The following TEX38 variants were observed in gnomAD, a reference collection of about 807,000 sequenced individuals.
The protein encoded by TEX38 is testis-expressed protein 38.
TEX38 carries 5 observed loss-of-function variants against 2.7 expected under a neutral mutation model. That is an observed-to-expected ratio of 1.86 (90% CI 0.97 to 3.90). TEX38 has a LOEUF of 3.90. Among genes scored for constraint, TEX38 ranks in the 30% most tolerant of loss-of-function variants. TEX38 has a pLI of 0.00. For missense variants in TEX38, 218 were observed against 247.9 expected (o/e 0.88, Z 0.81); for synonymous variants, 110 against 103.3 (o/e 1.06, Z -0.39).
intron 1 of TEX38, among the ~76,000 whole-genome samples, chr1:46,672,652 T>G (rs1370602769): frequency 6.6e-6 from 1 of 152,206 alleles, no homozygotes; most frequent in East Asian, 1.9e-4. Context: ...TTTTGTGATC[T>G]GTAAAGAGTT....
At chr1:46,670,763 T>A (rs1473160602), upstream of TEX38, among the ~76,000 whole-genome samples, 2 of 152,068 alleles carry the variant, frequency 1.3e-5, no homozygotes, top group African/African-American at 4.8e-5. Flanking sequence ...GCTAAATAGT[T>A]CCCTAAGTCA....
At chr1:46,671,758 A>G, upstream of TEX38, 1 of 678,868 alleles carries the variant, frequency 1.5e-6, no homozygotes, top group Non-Finnish European at 2.6e-6. Context: ...CCACTTCACA[A>G]GCACTGCCCC....
rs1240805337 is a variant in TEX38 at position 46,673,326 on chromosome 1, C to T, written c.491C>T (p.Pro164Leu). ...PFAPPLCNLP[P>L]LLNHSVSYPL... Reference sequence around the variant, plus strand: ...GCCCCACCCTTGTGCAACCTACCCCCCCTGCTGAACCACTCTGTCTCCTAT... The same window carrying T: ...GCCCCACCCTTGTGCAACCTACCCCTCCTGCTGAACCACTCTGTCTCCTAT... The change falls in exon 2 of 2, where the codon CCC becomes CTC. Residue 164 changes from proline to leucine, a missense_variant. Transcript: ENST00000334122. 3.2e-6 allele frequency: 5 copies of T among 1,551,832 alleles called. 1 individual carries two copies. In the South Asian group the frequency reaches 3.6e-5, roughly 11 times the overall value.
Position 46,672,985 on chromosome 1 carries a change from G to A in TEX38, c.150G>A (p.Gln50=). 3 of 1,551,730 alleles carry A rather than the reference G, an allele frequency of 1.9e-6. No homozygotes were observed. The highest frequency in any genetic ancestry group is 2.6e-6 in the Non-Finnish European group (3 of 1,146,992). The stretch of plus-strand genomic sequence containing the variant: ...TGAGGCGGGAAGAGCATGCCCAGCA[G>A]TGGGTGGAGGTGATGAGAGCTGCCA... ...KNLRREEHAQ[Q]WVEVMRAATF... Residue 50 remains glutamine (Q), a synonymous_variant, in exon 2 of 2, where the codon CAG becomes CAA. Coordinates refer to ENST00000334122, the MANE Select transcript of TEX38 (RefSeq NM_001145474.4).
Position 46,673,159 on chromosome 1 carries a change from C to G in TEX38, c.324C>G (p.Pro108=), listed in dbSNP as rs369089422. Residue 108 remains proline (P), a synonymous_variant, in exon 2 of 2, where the codon CCC becomes CCG. Coordinates refer to ENST00000334122, the MANE Select transcript of TEX38 (RefSeq NM_001145474.4). The part of the protein sequence containing the change: ...NPDVLWDLDI[P]EGRSHADQDS... ...ATGTTCTGTGGGATTTGGACATCCC[C>G]GAAGGCAGGAGCCATGCTGACCAAG... 6.4e-7 allele frequency: 1 copy of G among 1,551,650 alleles called. No homozygotes were observed. The highest frequency in any genetic ancestry group is 1.4e-5 in the African/African-American group (1 of 73,174).
In TEX38 at chr1:46,673,194, C is replaced by A. The variant is rs1320764439; in HGVS notation, c.359C>A (p.Pro120His). The A allele has an allele frequency of 1.3e-6, 2 of 1,551,098 alleles. No homozygotes were observed. The highest frequency in any genetic ancestry group is 1.7e-4 in the Middle Eastern group (1 of 5,990). ...GRSHADQDSN[P>H]KAEAPAPLQP... ...AGCCATGCTGACCAAGACAGCAACC[C>A]CAAGGCGGAAGCCCCTGCTCCCCTG... The change falls in exon 2 of 2, where the codon CCC becomes CAC. Residue 120 changes from proline (P) to histidine (H), a missense_variant. By Grantham distance (77) the Pro-to-His change is moderately conservative. Transcript: ENST00000334122.
At position 46,673,000 on chromosome 1, in the gene TEX38, G is replaced by C; in HGVS notation, c.165G>C (p.Met55Ile). 1 of 1,551,692 alleles carries C rather than the reference G, an allele frequency of 6.4e-7. No homozygotes were observed. The highest frequency in any genetic ancestry group is 8.7e-7 in the Non-Finnish European group (1 of 1,146,990). Residue 55 changes from methionine to isoleucine, a missense_variant, in exon 2 of 2, where the codon ATG (methionine) becomes ATC (isoleucine). Coordinates refer to ENST00000334122, the MANE Select transcript of TEX38 (RefSeq NM_001145474.4). ...EEHAQQWVEV[M>I]RAATFTYSPL... ...ATGCCCAGCAGTGGGTGGAGGTGAT[G>C]AGAGCTGCCACATTCACCTACAGCC...
At chr1:46,672,475 C>T (rs1338065631) in intron 1 of TEX38, among the ~76,000 whole-genome samples, 1 of 152,142 alleles carries the variant, frequency 6.6e-6, no homozygotes. Flanking sequence ...GAAGTCCTGA[C>T]CTCAAGTGAT....
chr1:46,669,707 G>C (rs1346501607), upstream of TEX38, among the ~76,000 whole-genome samples: 1 of 152,186 alleles, frequency 6.6e-6, no homozygotes, highest in Non-Finnish European at 1.5e-5. Context: ...AAGAGAGATA[G>C]AGATAAGGGG....
At chr1:46,672,090 A>G in intron 1 of TEX38, 119 bp downstream of exon 1, 1 of 975,562 alleles carries the variant, frequency 1.0e-6, no homozygotes. Context: ...AGAGCTAAGC[A>G]GTTAGGAGAT....
upstream of TEX38, among the ~76,000 whole-genome samples, chr1:46,670,716 G>A (rs771556176): frequency 5.9e-5 from 9 of 152,150 alleles, no homozygotes; most frequent in Non-Finnish European, 1.2e-4. Context: ...GATATACGAG[G>A]AGAACAAGGG....
chr1:46,671,823 T>C (rs1301062979), upstream of TEX38: 5 of 1,107,324 alleles, frequency 4.5e-6, no homozygotes, highest in East Asian at 1.3e-4. Flanking sequence ...ACAAAGGGCC[T>C]GGGCATTCTG....
Position 46,673,212 on chromosome 1 carries a change from C to G in TEX38, c.377C>G (p.Ala126Gly), listed in dbSNP as rs1676623542. The G allele has an allele frequency of 6.4e-7, 1 of 1,550,526 alleles. No homozygotes were observed. Among genetic ancestry groups the G allele is most frequent in the African/African-American group, 1.4e-5 (1 of 73,154 alleles). The change falls in exon 2 of 2, where the codon GCT becomes GGT. Residue 126 changes from alanine (A) to glycine (G), a missense_variant. Coordinates refer to ENST00000334122, the MANE Select transcript of TEX38 (RefSeq NM_001145474.4). ...AGCAACCCCAAGGCGGAAGCCCCTG[C>G]TCCCCTGCAACCTGCACTGCAGCTG... Reference protein sequence around the residue: ...QDSNPKAEAPAPLQPALQLAP... With the variant: ...QDSNPKAEAPGPLQPALQLAP...
rs1230605682 is a variant in TEX38, at chr1:46,673,092, C to A, written c.257C>A (p.Ala86Asp). Reference sequence around the variant, plus strand: ...AATGCAGCCATCAACACGGGCCCTGCCCCTGCTGTCACCAAGACTGAGACT... The same window carrying A: ...AATGCAGCCATCAACACGGGCCCTGACCCTGCTGTCACCAAGACTGAGACT... ...GMNAAINTGP[A>D]PAVTKTETEV... is the part of the protein sequence containing the mutation. Residue 86 changes from alanine (A) to aspartate (D), a missense_variant, in exon 2 of 2, where the codon GCC (alanine) becomes GAC (aspartate). Coordinates refer to ENST00000334122, the MANE Select transcript of TEX38 (RefSeq NM_001145474.4). The A allele has an allele frequency of 1.3e-6, 2 of 1,551,758 alleles. No individual in the cohort carries two copies. Among genetic ancestry groups the A allele is most frequent in the Non-Finnish European group, 1.7e-6 (2 of 1,146,998 alleles).
chr1:46,672,048 C>A, intron 1 of TEX38, 77 bp downstream of exon 1: 2 of 1,413,346 alleles, frequency 1.4e-6, no homozygotes, highest in African/African-American at 1.4e-5. Context: ...AGGCCCTTTG[C>A]ATGGATGGGA....
chr1:46,671,085 C>G (rs545734054), upstream of TEX38, among the ~76,000 whole-genome samples: 1 of 152,110 alleles, frequency 6.6e-6, no homozygotes, highest in Non-Finnish European at 1.5e-5. Flanking sequence ...TTCAAATTGG[C>G]GATGATATGA....
chr1:46,672,246 C>CTTTT (rs199795962), intron 1 of TEX38, among the ~76,000 whole-genome samples: 1 of 141,484 alleles, frequency 7.1e-6, no homozygotes, highest in African/African-American at 2.6e-5. Context: ...TGAACTTTCA[C>CTTTT]TTTTTTTTTT....
chr1:46,669,710 A>G (rs1460362627), upstream of TEX38, among the ~76,000 whole-genome samples: 2 of 152,182 alleles, frequency 1.3e-5, no homozygotes, highest in Non-Finnish European at 2.9e-5. Context: ...AGAGATAGAG[A>G]TAAGGGGACA....
chr1:46,672,474 A>T (rs910647230), intron 1 of TEX38, among the ~76,000 whole-genome samples: 2 of 152,124 alleles, frequency 1.3e-5, no homozygotes, highest in African/African-American at 4.8e-5. Flanking sequence ...TGAAGTCCTG[A>T]CCTCAAGTGA....
Sources: gnomAD v4.1 joint callset for allele counts (sites outside exome capture counted in the v4.1 genomes callset) on GRCh38, gnomAD v4.1.1 for gene constraint, MANE v1.5 for transcripts, NCBI Gene and HGNC (gene_info 2026-07-23, HGNC 2026-07-21) for gene names.